BABAM2: variants seen among roughly 807,000 people sequenced by gnomAD.
BABAM2 encodes BRISC and BRCA1-A complex member 2.
In BABAM2, 31 loss-of-function variants were observed where a neutral mutation model predicts 54.7. The observed-to-expected ratio is 0.57, with a 90% CI of 0.43 to 0.77. The LOEUF is 0.77. Ranked by LOEUF, BABAM2 falls within the 30% of genes least tolerant of loss-of-function variation. The probability of loss-of-function intolerance (pLI) is 0.00; values close to 1 mark genes in which losing one functional copy is unlikely to be tolerated. For synonymous variants in BABAM2, 167 were observed against 162.9 expected, an observed-to-expected ratio of 1.03 and a Z score of -0.19; for missense variants, 364 against 455.8, an observed-to-expected ratio of 0.80 and a Z score of 1.83.
At chr2:28,314,644 A>G (rs1394218797) in intron 11 of BABAM2, among the ~76,000 whole-genome samples, 1 of 152,234 alleles carries the variant, frequency 6.6e-6, no homozygotes, top group African/African-American at 2.4e-5. Context: ...GTTAGGTACG[A>G]TGTTAAGTGA....
chr2:27,920,443 C>A (rs717126), intron 2 of BABAM2, among the ~76,000 whole-genome samples: 1 of 152,098 alleles, frequency 6.6e-6, no homozygotes, highest in Non-Finnish European at 1.5e-5. Flanking sequence ...ATTTTTGAAA[C>A]TGAGTAATCT....
At chr2:27,912,309 T>G (rs1328830905) in intron 2 of BABAM2, among the ~76,000 whole-genome samples, 1 of 152,194 alleles carries the variant, frequency 6.6e-6, no homozygotes, top group Non-Finnish European at 1.5e-5. Context: ...TTTGCAAATC[T>G]TAACTAAAAC....
intron 5 of BABAM2, among the ~76,000 whole-genome samples, chr2:28,030,493 A>T (rs1407904382): frequency 6.6e-6 from 1 of 152,206 alleles, no homozygotes; most frequent in Non-Finnish European, 1.5e-5. Context: ...AGTCTGTAGA[A>T]GTAAAACTAT....
At chr2:28,102,828 C>A (rs1344784459) in intron 6 of BABAM2, among the ~76,000 whole-genome samples, 2 of 152,068 alleles carry the variant, frequency 1.3e-5, no homozygotes, top group Non-Finnish European at 2.9e-5. Flanking sequence ...TGGAGGTAAA[C>A]CAAAGCCACT....
intron 4 of BABAM2, chr2:27,996,540 G>C (rs967737545): frequency 6.5e-6 from 1 of 154,710 alleles, no homozygotes; most frequent in African/African-American, 2.4e-5. Context: ...CAAGACTGCT[G>C]ATTGCTTTGC....
intron 4 of BABAM2, among the ~76,000 whole-genome samples, chr2:27,990,144 G>A (rs1672675646): frequency 6.6e-6 from 1 of 152,114 alleles, no homozygotes; most frequent in South Asian, 2.1e-4. Context: ...ACGGCCTTGG[G>A]TAGACTACCC....
upstream of BABAM2, chr2:27,890,662 C>T (rs903612266): frequency 2.5e-4 from 55 of 223,334 alleles, 1 homozygote; most frequent in Admixed American, 5.9e-5. This position sits in a 1 kb window ranked among gnomAD's most constrained non-coding sequence, Gnocchi z 4.8. Flanking sequence ...CCCGGCTCGG[C>T]GCGGCGCGGG....
intron 10 of BABAM2, among the ~76,000 whole-genome samples, chr2:28,295,759 A>G (rs1301910425): frequency 6.6e-6 from 1 of 151,976 alleles, no homozygotes; most frequent in Non-Finnish European, 1.5e-5. Context: ...AGCCTCCCAA[A>G]GTACTGGGAT....
rs531007128 is a variant in BABAM2, at chr2:27,968,320, G to A, written c.206-19673G>A. On this transcript the variant is annotated intron_variant, in intron 3 of 11. Coordinates refer to ENST00000379624, the MANE Select transcript of BABAM2 (RefSeq NM_199191.3). Reference sequence around the variant, plus strand: ...CATGGCTTCAGAGGGTGCAAGCCCCGAGCCTTGGCAGCTTCCATGTGGTGT... The same window carrying A: ...CATGGCTTCAGAGGGTGCAAGCCCCAAGCCTTGGCAGCTTCCATGTGGTGT... 6.6e-5 allele frequency among the ~76,000 whole-genome samples: 10 copies of A among 152,336 alleles called. No homozygotes were observed. The South Asian group carries it at 8.3e-4, about 13-fold the overall frequency.
intron 6 of BABAM2, among the ~76,000 whole-genome samples, chr2:28,062,585 A>T (rs1244686429): frequency 6.6e-6 from 1 of 152,024 alleles, no homozygotes; most frequent in Non-Finnish European, 1.5e-5. Flanking sequence ...CAAAAAAAAA[A>T]AAAACATATT....
chr2:28,173,655 C>G (rs138715443), intron 7 of BABAM2, among the ~76,000 whole-genome samples: 2,426 of 152,342 alleles, frequency 0.016, 30 homozygotes, highest in South Asian at 0.053. Flanking sequence ...CATGCTGGGA[C>G]CACAGCATCC....
At chr2:27,998,190 C>T (rs1673310361) in intron 4 of BABAM2, among the ~76,000 whole-genome samples, 4 of 152,006 alleles carry the variant, frequency 2.6e-5, no homozygotes, top group Admixed American at 1.3e-4. Context: ...GTTATTTAAT[C>T]AGTTTTGAAG....
chr2:28,111,946 A>G (rs370223735), intron 6 of BABAM2, among the ~76,000 whole-genome samples: 2 of 152,224 alleles, frequency 1.3e-5, no homozygotes, highest in Non-Finnish European at 1.5e-5. Context: ...GAAAACCGGA[A>G]GAGGTAGAAT....
chr2:28,015,869 T>C, intron 4 of BABAM2: 1 of 667,262 alleles, frequency 1.5e-6, no homozygotes, highest in Non-Finnish European at 2.5e-6. Flanking sequence ...CTTTTCCTCT[T>C]TTTTGCTCGT....
intron 7 of BABAM2, among the ~76,000 whole-genome samples, chr2:28,233,622 C>T (rs762318585): frequency 1.7e-4 from 26 of 152,110 alleles, no homozygotes; most frequent in South Asian, 4.1e-4. Context: ...AGATTTTGGA[C>T]GCTTACAAGC....
chr2:27,908,033 CAGA>C, intron 2 of BABAM2, among the ~76,000 whole-genome samples: 1 of 152,238 alleles, frequency 6.6e-6, no homozygotes, highest in South Asian at 2.1e-4. Context: ...CGTATATACC[CAGA>C]AGTAGAATTG....
chr2:28,218,430 A>G (rs1170515816), intron 7 of BABAM2, among the ~76,000 whole-genome samples: 1 of 152,218 alleles, frequency 6.6e-6, no homozygotes, highest in Admixed American at 6.5e-5. Flanking sequence ...TAAATCCGGA[A>G]CAGTTTCTTA....
intron 4 of BABAM2, among the ~76,000 whole-genome samples, chr2:28,001,716 G>A (rs1259860733): frequency 1.3e-5 from 2 of 152,146 alleles, no homozygotes; most frequent in African/African-American, 2.4e-5. Context: ...CAAAGGGGAA[G>A]TAGGCGTATC....
chr2:27,988,161 T>A, intron 4 of BABAM2, 74 bp downstream of exon 4: 1 of 1,389,764 alleles, frequency 7.2e-7, no homozygotes, highest in Non-Finnish European at 1.0e-6. Flanking sequence ...AGCAGTTGCT[T>A]AACAGATAGA....
Sources: gnomAD v4.1 joint callset for allele counts (sites outside exome capture counted in the v4.1 genomes callset) on GRCh38, gnomAD v4.1.1 for gene constraint, Gnocchi (gnomAD v3.1) non-coding constraint, MANE v1.5 for transcripts, NCBI Gene and HGNC (gene_info 2026-07-23, HGNC 2026-07-21) for gene names.